IMMP1L: variants seen among roughly 807,000 people sequenced by gnomAD.
IMMP1L encodes mitochondrial inner membrane protease subunit 1.
In IMMP1L, 24 loss-of-function variants were observed where a neutral mutation model predicts 21.8. The observed-to-expected ratio is 1.10, with a 90% CI of 0.80 to 1.55. The LOEUF is 1.55. Ranked by LOEUF, IMMP1L falls within the 40% of genes most tolerant of loss-of-function variation. IMMP1L has a pLI of 0.00. For synonymous variants in IMMP1L, 46 were observed against 62.8 expected (o/e 0.73, Z 1.26); for missense variants, 195 against 200.7 (o/e 0.97, Z 0.17).
chr11:31,499,996 G>C, intron 1 of IMMP1L, among the ~76,000 whole-genome samples: 1 of 148,996 alleles, frequency 6.7e-6, no homozygotes, highest in Non-Finnish European at 1.5e-5. Context: ...TAATCTGCCT[G>C]AGAAGAATTT....
At chr11:31,483,184 A>C (rs1479031629) in intron 1 of IMMP1L, among the ~76,000 whole-genome samples, 1 of 151,970 alleles carries the variant, frequency 6.6e-6, no homozygotes, top group Non-Finnish European at 1.5e-5. Context: ...GGGTGCATGA[A>C]GGTGTCTTCT....
intron 1 of IMMP1L, among the ~76,000 whole-genome samples, chr11:31,501,456 T>G (rs1955615589): frequency 6.6e-6 from 1 of 152,174 alleles, no homozygotes; most frequent in Admixed American, 6.5e-5. Context: ...CACTATGTGA[T>G]AACACAGCAA....
intron 1 of IMMP1L, chr11:31,477,370 A>G (rs1453964362): frequency 5.0e-6 from 1 of 198,526 alleles, no homozygotes; most frequent in Admixed American, 6.5e-5. Context: ...CAACTTTTCT[A>G]TTTCAATAGC....
intron 4 of IMMP1L, chr11:31,453,179 A>G: frequency 9.2e-7 from 1 of 1,090,364 alleles, no homozygotes; most frequent in Non-Finnish European, 1.2e-6. Context: ...ACAAACAAAA[A>G]AGAACTCTGG....
At chr11:31,441,806 TATG>T (rs1225023931) in intron 4 of IMMP1L, among the ~76,000 whole-genome samples, 1 of 152,178 alleles carries the variant, frequency 6.6e-6, no homozygotes, top group Non-Finnish European at 1.5e-5. Flanking sequence ...TTTTAAAAGC[TATG>T]ATAACTTTAC....
In IMMP1L at chr11:31,496,504, TCAAA is replaced by T. The variant is rs878920689; in HGVS notation, c.-30+13011_-30+13014del. On this transcript the variant is annotated intron_variant, in intron 1 of 5. Coordinates refer to ENST00000532287, the MANE Select transcript of IMMP1L (RefSeq NM_001304274.2). Reference sequence around the variant, plus strand: ...ACCCAAAGGAAATGAAAACAGAGATTCAAACAGATACTTCTATGCCAATGTTCAC... The same window carrying T: ...ACCCAAAGGAAATGAAAACAGAGATTCAGATACTTCTATGCCAATGTTCAC... 2.6e-5 allele frequency among the ~76,000 whole-genome samples: 4 copies of T among 152,018 alleles called. 1 individual carries two copies. The highest frequency in any genetic ancestry group is 2.6e-4 in the Admixed American group (4 of 15,254).
chr11:31,468,773 GAT>G (rs1438085601), intron 1 of IMMP1L, among the ~76,000 whole-genome samples: 1 of 152,122 alleles, frequency 6.6e-6, no homozygotes, highest in African/African-American at 2.4e-5. Flanking sequence ...ATAGTAAAGT[GAT>G]AGAGAATAAC....
rs549642757 is a variant in IMMP1L, at chr11:31,493,542, G to A, written c.-30+15977C>T. ...AACCATATCATTCCACCCCAGCCCC[G>A]CCCAAATTTCATGTCCTCACATTTC... On this transcript the variant is annotated intron_variant, in intron 1 of 5. Coordinates refer to ENST00000532287, the MANE Select transcript of IMMP1L (RefSeq NM_001304274.2). Among the ~76,000 whole-genome samples the A allele has an allele frequency of 1.4e-4, 22 of 152,048 alleles. 1 individual carries two copies. The South Asian group carries it at 2.7e-3, about 19-fold the overall frequency.
intron 4 of IMMP1L, chr11:31,452,773 G>A (rs1350611420): frequency 7.0e-6 from 7 of 993,864 alleles, no homozygotes; most frequent in East Asian, 1.1e-4. Context: ...TTCTTGAGAC[G>A]GAGTTTCGCT....
At chr11:31,458,883 T>C (rs936143917) in intron 3 of IMMP1L, among the ~76,000 whole-genome samples, 1 of 152,200 alleles carries the variant, frequency 6.6e-6, no homozygotes, top group Non-Finnish European at 1.5e-5. Flanking sequence ...TTTAAAAATA[T>C]CAAGCTGTGT....
intron 4 of IMMP1L, among the ~76,000 whole-genome samples, chr11:31,453,631 T>C (rs1261582795): frequency 6.6e-6 from 1 of 152,202 alleles, no homozygotes; most frequent in Non-Finnish European, 1.5e-5. Flanking sequence ...AATTTTGTTA[T>C]AAATCACCTT....
rs1019499480 is a variant in IMMP1L at position 31,443,103 on chromosome 11, A to C, written c.322-9533T>G. On this transcript the variant is annotated intron_variant, in intron 4 of 5. Transcript: ENST00000532287. ...AAAGCAGTATCAAGTTATTATACCT[A>C]CTATGTGGCCACTGTATATTCTGCT... Among the ~76,000 whole-genome samples the C allele has an allele frequency of 4.0e-4, 61 of 152,216 alleles. 3 individuals carry two copies.
intron 1 of IMMP1L, among the ~76,000 whole-genome samples, chr11:31,480,252 C>A (rs1954852341): frequency 6.6e-6 from 1 of 152,042 alleles, no homozygotes; most frequent in African/African-American, 2.4e-5. Context: ...AGATTTGAGA[C>A]ATTTAGTATA....
chr11:31,442,696 C>G (rs2133569182), intron 4 of IMMP1L, among the ~76,000 whole-genome samples: 1 of 152,144 alleles, frequency 6.6e-6, no homozygotes, highest in Non-Finnish European at 1.5e-5. Flanking sequence ...AAACAATAGT[C>G]ATGAAAGAAA....
At chr11:31,444,813 G>T (rs371315793) in intron 4 of IMMP1L, among the ~76,000 whole-genome samples, 3 of 152,024 alleles carry the variant, frequency 2.0e-5, no homozygotes, top group East Asian at 3.9e-4. Context: ...ACTTAAATGG[G>T]CATGCTCATC....
intron 4 of IMMP1L, chr11:31,437,236 C>T: frequency 2.6e-6 from 1 of 386,306 alleles, no homozygotes; most frequent in Admixed American, 3.0e-5. Flanking sequence ...GGGGAAGAGA[C>T]CCAAGTCTAA....
At chr11:31,464,435 A>G (rs1298343812) in intron 1 of IMMP1L, among the ~76,000 whole-genome samples, 2 of 152,120 alleles carry the variant, frequency 1.3e-5, no homozygotes, top group African/African-American at 4.8e-5. Flanking sequence ...ATTCTTCCTA[A>G]TTCATTCTAC....
At chr11:31,479,130 T>G (rs1954810950) in intron 1 of IMMP1L, among the ~76,000 whole-genome samples, 1 of 152,008 alleles carries the variant, frequency 6.6e-6, no homozygotes, top group African/African-American at 2.4e-5. Flanking sequence ...ACGTTGTAAG[T>G]TTTATATAAA....
At position 31,463,305 on chromosome 11, in the gene IMMP1L, C is replaced by T; in HGVS notation, c.-29G>A. 1 of 1,568,538 alleles carries T rather than the reference C, an allele frequency of 6.4e-7. No homozygotes were observed. The highest frequency in any genetic ancestry group is 8.6e-7 in the Non-Finnish European group (1 of 1,165,074). On this transcript the variant is annotated splice_region_variant and 5_prime_UTR_variant, in exon 2 of 6. Coordinates refer to ENST00000532287, the MANE Select transcript of IMMP1L (RefSeq NM_001304274.2). Reference sequence around the variant, plus strand: ...TCTATGTAGACTCTGCCACCATTGGCCTGATGGTAAATTTCAAAAAGTTTC... The same window carrying T: ...TCTATGTAGACTCTGCCACCATTGGTCTGATGGTAAATTTCAAAAAGTTTC...
Sources: allele counts gnomAD v4.1 joint callset (sites outside exome capture counted in the v4.1 genomes callset), GRCh38; gene constraint gnomAD v4.1.1; transcripts MANE v1.5; gene names NCBI Gene and HGNC (gene_info 2026-07-23, HGNC 2026-07-21).